Variants in NEBL observed in about 807,000 individuals in gnomAD.
NEBL encodes the protein LIM and SH3 protein 2.
Under a neutral mutation model 140.2 loss-of-function variants are expected in NEBL, and 122 were observed. The ratio of observed to expected loss-of-function variants is 0.87; its 90% confidence interval spans 0.75 to 1.01. NEBL has a LOEUF of 1.01. Among genes scored for constraint, NEBL ranks in the 50% least tolerant of loss-of-function variants. The pLI is 0.00. For synonymous variants in NEBL, 436 were observed against 398.9 expected (o/e 1.09, Z -1.11); for missense variants, 1,365 against 1,231.3 (o/e 1.11, Z -1.62).
rs1323686997 is a variant in NEBL, at chr10:20,964,313, C to T, written c.250-2534G>A. Among the ~76,000 whole-genome samples, 4 of 152,110 alleles carry T rather than the reference C, an allele frequency of 2.6e-5. No individual in the cohort carries two copies. The East Asian group carries it at 5.8e-4, about 22-fold the overall frequency. On this transcript the variant is annotated intron_variant, in intron 3 of 6. Transcript: ENST00000417816. ...AAAGGGGTTGTGTCATTTATTTGTGCTGCTATAAAGGAATACCTGACACTG... is the reference window on the plus strand; with the variant it reads ...AAAGGGGTTGTGTCATTTATTTGTGTTGCTATAAAGGAATACCTGACACTG...
At chr10:21,042,555 C>T (rs889612549) in intron 2 of NEBL, among the ~76,000 whole-genome samples, 1 of 152,232 alleles carries the variant, frequency 6.6e-6, no homozygotes, top group Non-Finnish European at 1.5e-5. Flanking sequence ...TTAGTCACAT[C>T]TCTTGTATCT....
intron 2 of NEBL, among the ~76,000 whole-genome samples, chr10:21,055,833 C>G (rs149347586): frequency 6.6e-6 from 1 of 152,090 alleles, no homozygotes; most frequent in African/African-American, 2.4e-5. Context: ...AGGGGGCTCC[C>G]GCGTGAGAAT....
chr10:20,986,510 T>C (rs1166208393), intron 3 of NEBL, among the ~76,000 whole-genome samples: 2 of 152,200 alleles, frequency 1.3e-5, no homozygotes, highest in African/African-American at 4.8e-5. Flanking sequence ...TTGCCAGCCT[T>C]CCAATGCCTT....
At chr10:21,172,629 A>T in intron 1 of NEBL, 1 of 652,728 alleles carries the variant, frequency 1.5e-6, no homozygotes, top group Non-Finnish European at 2.7e-6. Flanking sequence ...GTGTTTACCT[A>T]CTTTCAGCTA....
intron 24 of NEBL, among the ~76,000 whole-genome samples, chr10:20,812,281 A>T (rs1367638843): frequency 1.3e-4 from 20 of 152,068 alleles, no homozygotes; most frequent in Admixed American, 1.3e-3. Flanking sequence ...GTGATCACTC[A>T]TATCTCTGCT....
chr10:20,816,274 C>T (rs868569246), intron 21 of NEBL, among the ~76,000 whole-genome samples: 1 of 152,082 alleles, frequency 6.6e-6, no homozygotes, highest in South Asian at 2.1e-4. Flanking sequence ...AAATATTTAA[C>T]CACAAAAGGA....
chr10:21,095,639 T>C (rs1837151950), intron 2 of NEBL, among the ~76,000 whole-genome samples: 1 of 152,196 alleles, frequency 6.6e-6, no homozygotes, highest in Non-Finnish European at 1.5e-5. Context: ...CTTGAAGGTT[T>C]TTGAAATCAA....
intron 2 of NEBL, among the ~76,000 whole-genome samples, chr10:21,170,093 G>A (rs1841008742): frequency 6.6e-6 from 1 of 152,142 alleles, no homozygotes; most frequent in African/African-American, 2.4e-5. Flanking sequence ...TAAGCAATAA[G>A]CACTAAATAA....
At chr10:20,955,265 C>T (rs185128939) in intron 4 of NEBL, among the ~76,000 whole-genome samples, 1 of 152,250 alleles carries the variant, frequency 6.6e-6, no homozygotes, top group African/African-American at 2.4e-5. Context: ...GGAGGTCAGA[C>T]ATATAGACAC....
intron 14 of NEBL, among the ~76,000 whole-genome samples, chr10:20,833,733 G>A (rs1242330864): frequency 6.6e-6 from 1 of 150,916 alleles, no homozygotes; most frequent in Non-Finnish European, 1.5e-5. Flanking sequence ...TCCAGCCTGG[G>A]CGACAGAGCG....
At chr10:20,842,270 C>G (rs1841472799) in intron 12 of NEBL, among the ~76,000 whole-genome samples, 1 of 152,082 alleles carries the variant, frequency 6.6e-6, no homozygotes, top group African/African-American at 2.4e-5. Flanking sequence ...AGTCAGACCT[C>G]TTTCATTTAT....
intron 1 of NEBL, among the ~76,000 whole-genome samples, chr10:21,272,901 T>A (rs891490531): frequency 2.6e-5 from 4 of 152,154 alleles, no homozygotes; most frequent in Non-Finnish European, 5.9e-5. Flanking sequence ...AATGGCAAGA[T>A]AAATTGTCCC....
At position 20,799,824 on chromosome 10, in the gene NEBL, C is replaced by T. The variant is rs73607514; in HGVS notation, c.2761+8686G>A. On this transcript the variant is annotated intron_variant, in intron 26 of 27. Transcript: ENST00000377122. ...TGTATTTTCTTCTTCTTAAATAAAG[C>T]TCATGTATATTTGAAGTTTACAACA... Among the ~76,000 whole-genome samples the T allele has an allele frequency of 5.0e-3, 765 of 152,112 alleles. 8 individuals carry two copies. Among genetic ancestry groups the T allele is most frequent in the African/African-American group, 0.017 (721 of 41,488 alleles).
chr10:20,926,449 A>G (rs1833917959), intron 4 of NEBL, among the ~76,000 whole-genome samples: 1 of 152,168 alleles, frequency 6.6e-6, no homozygotes, highest in Non-Finnish European at 1.5e-5. Flanking sequence ...TTCCTATCAA[A>G]CATTTTGGCT....
chr10:21,109,448 G>C (rs1024310348), intron 2 of NEBL, among the ~76,000 whole-genome samples: 3 of 152,114 alleles, frequency 2.0e-5, no homozygotes, highest in African/African-American at 4.8e-5. Flanking sequence ...AGGGATACTG[G>C]CCTGAAATTT....
chr10:21,168,259 T>C (rs1564534127), intron 2 of NEBL, among the ~76,000 whole-genome samples: 1 of 152,210 alleles, frequency 6.6e-6, no homozygotes. Context: ...AATCTTTATG[T>C]TTTCTTACAA....
chr10:21,192,459 T>G, intron 3 of NEBL, among the ~76,000 whole-genome samples: 1 of 151,742 alleles, frequency 6.6e-6, no homozygotes, highest in African/African-American at 2.4e-5. Context: ...CCCAAAATGC[T>G]GGGATTACAG....
intron 2 of NEBL, among the ~76,000 whole-genome samples, chr10:21,087,107 A>G (rs1183162356): frequency 1.3e-5 from 2 of 152,204 alleles, no homozygotes; most frequent in Non-Finnish European, 2.9e-5. Context: ...CCAGTAAAAC[A>G]TATGACACAG....
intron 2 of NEBL, among the ~76,000 whole-genome samples, chr10:21,112,496 AC>A (rs1357710115): frequency 6.7e-6 from 1 of 149,628 alleles, no homozygotes; most frequent in Non-Finnish European, 1.5e-5. Flanking sequence ...AGGACAGAAT[AC>A]CAAACACCAC....
Sources: gnomAD v4.1 joint callset for allele counts (sites outside exome capture counted in the v4.1 genomes callset) on GRCh38, gnomAD v4.1.1 for gene constraint, MANE v1.5 for transcripts, NCBI Gene and HGNC (gene_info 2026-07-23, HGNC 2026-07-21) for gene names.